The following RAB3GAP2 variants were observed in gnomAD, a reference collection of about 807,000 sequenced individuals.
RAB3GAP2 encodes the protein RAB3 GTPase activating non-catalytic protein subunit 2.
A neutral mutation model predicts 185.3 loss-of-function variants in RAB3GAP2; 87 were observed. That is an observed-to-expected ratio of 0.47 (90% CI 0.39 to 0.56). RAB3GAP2 has a LOEUF of 0.56. RAB3GAP2 is among the 20% of genes least tolerant of loss of function. RAB3GAP2 has a pLI of 0.00. For synonymous variants in RAB3GAP2, 554 were observed against 576.1 expected (o/e 0.96, Z 0.55); for missense variants, 1,492 against 1,638.2 (o/e 0.91, Z 1.54).
At position 220,170,884 on chromosome 1, in the gene RAB3GAP2, C is replaced by G. The variant is rs767036069; in HGVS notation, c.2806+8G>C. 3 of 1,604,590 alleles carry G rather than the reference C, an allele frequency of 1.9e-6. No homozygotes were observed. In the South Asian group the frequency reaches 3.3e-5, roughly 18 times the overall value. ...TGGATGCAAATGCTCAAATAAACTT[C>G]AGCTTACCTTTTCCTCCTTCTAATA... is the stretch of plus-strand genomic sequence containing the variant. On this transcript the variant is annotated splice_region_variant and intron_variant, in intron 24 of 34. Coordinates refer to ENST00000358951, the MANE Select transcript of RAB3GAP2 (RefSeq NM_012414.4).
intron 8 of RAB3GAP2, among the ~76,000 whole-genome samples, chr1:220,203,690 C>T (rs374939804): frequency 6.6e-6 from 1 of 152,024 alleles, no homozygotes; most frequent in Non-Finnish European, 1.5e-5. Context: ...TGCCTTTTGG[C>T]ATATATATTA....
chr1:220,177,960 C>T (rs959650187), intron 21 of RAB3GAP2, among the ~76,000 whole-genome samples: 1 of 152,104 alleles, frequency 6.6e-6, no homozygotes, highest in African/African-American at 2.4e-5. Flanking sequence ...TCAAGGGTCA[C>T]CAATCCGAGT....
At position 220,253,497 on chromosome 1, in the gene RAB3GAP2, T is replaced by C. The variant is rs555347104; in HGVS notation, c.115+18726A>G. The C allele has an allele frequency of 4.4e-5, 67 of 1,511,732 alleles. No individual in the cohort carries two copies. The East Asian group carries it at 1.2e-3, about 26-fold the overall frequency. 93.6% of individuals were successfully genotyped at this position (1,511,732 alleles called of 1,614,324 possible). The stretch of plus-strand genomic sequence containing the variant: ...GCCTGACGGCGCGTCTGACGCGGAG[T>C]TGGGTGGGGTAGAGAGTAGGGGGCG... On this transcript the variant is annotated intron_variant, in intron 1 of 34. Transcript: ENST00000358951.
chr1:220,178,081 T>C (rs1376939112), intron 21 of RAB3GAP2, among the ~76,000 whole-genome samples: 1 of 152,076 alleles, frequency 6.6e-6, no homozygotes, highest in East Asian at 1.9e-4. Flanking sequence ...ATAGATCCAA[T>C]ATGCTTGGTA....
chr1:220,224,667 C>T (rs1297123598), intron 2 of RAB3GAP2, among the ~76,000 whole-genome samples: 3 of 151,904 alleles, frequency 2.0e-5, no homozygotes, highest in Non-Finnish European at 4.4e-5. Context: ...AAGGCAAAAC[C>T]AGTAAGGACA....
At position 220,153,985 on chromosome 1, in the gene RAB3GAP2, T is replaced by A. The variant is rs1657810697; in HGVS notation, c.3628A>T (p.Ile1210Phe). The change falls in exon 32 of 35, where the codon ATT becomes TTT. Residue 1210 changes from isoleucine (I) to phenylalanine (F), a missense_variant. By Grantham distance (21) the Ile-to-Phe change is conservative. This residue lies in a region of RAB3GAP2 where 387 missense variants were observed against 455.3 expected (regional missense o/e 0.85). Transcript: ENST00000358951. The part of the protein sequence containing the change: ...LPSGEMDPNF[I>F]SVRQQFLLKV... ...TAATTTACCTGTTGTCGTACAGAAA[T>A]AAAATTTGGATCCATTTCCCCACTA... The A allele has an allele frequency of 7.4e-6, 12 of 1,613,512 alleles. No individual in the cohort carries two copies. The highest frequency in any genetic ancestry group is 1.0e-5 in the Non-Finnish European group (12 of 1,179,800).
At chr1:220,172,844 C>T in intron 21 of RAB3GAP2, 102 bp from the exon 22 acceptor site, 1 of 749,530 alleles carries the variant, frequency 1.3e-6, no homozygotes, top group Middle Eastern at 2.6e-4. Flanking sequence ...GATGATGCAG[C>T]TTCTTGAGGT....
intron 2 of RAB3GAP2, among the ~76,000 whole-genome samples, chr1:220,231,667 A>G (rs533320914): frequency 1.2e-4 from 19 of 152,202 alleles, no homozygotes; most frequent in Non-Finnish European, 2.5e-4. Flanking sequence ...CTTGCCAGTG[A>G]TTAGTTCAGA....
chr1:220,233,966 G>A (rs1659547514), intron 1 of RAB3GAP2, among the ~76,000 whole-genome samples: 1 of 152,238 alleles, frequency 6.6e-6, no homozygotes, highest in Non-Finnish European at 1.5e-5. Context: ...CTCCCAAAGT[G>A]TTGGGATTAC....
intron 1 of RAB3GAP2, among the ~76,000 whole-genome samples, chr1:220,251,730 T>C (rs1031715136): frequency 7.2e-5 from 11 of 152,344 alleles, no homozygotes; most frequent in East Asian, 3.9e-4. Flanking sequence ...CCCACATGTA[T>C]AAGGATGCTT....
intron 21 of RAB3GAP2, among the ~76,000 whole-genome samples, chr1:220,180,788 T>G (rs1453466261): frequency 6.6e-6 from 1 of 152,152 alleles, no homozygotes; most frequent in Non-Finnish European, 1.5e-5. Context: ...AAACAACACA[T>G]TAAACCATCA....
At chr1:220,179,996 T>C (rs1297001713) in intron 21 of RAB3GAP2, among the ~76,000 whole-genome samples, 1 of 152,056 alleles carries the variant, frequency 6.6e-6, no homozygotes, top group Non-Finnish European at 1.5e-5. Context: ...ACCCCGTCTC[T>C]ACTAAAAATA....
chr1:220,226,168 C>T (rs1659398991), intron 2 of RAB3GAP2, among the ~76,000 whole-genome samples: 1 of 152,150 alleles, frequency 6.6e-6, no homozygotes, highest in Non-Finnish European at 1.5e-5. Context: ...GTAACCACTA[C>T]CCATTTACCA....
intron 7 of RAB3GAP2, chr1:220,207,592 T>A (rs538970837): frequency 6.6e-6 from 1 of 152,254 alleles, no homozygotes; most frequent in African/African-American, 2.4e-5. Flanking sequence ...TGTTCTCACA[T>A]GACAAGTTCA....
At chr1:220,157,245 C>T in intron 31 of RAB3GAP2, 25 bp downstream of exon 31, 1 of 1,590,144 alleles carries the variant, frequency 6.3e-7, no homozygotes, top group Non-Finnish European at 8.6e-7. Flanking sequence ...TCCAAAATAG[C>T]TCTGAAATCC....
chr1:220,232,044 T>C (rs1173415601), intron 2 of RAB3GAP2, among the ~76,000 whole-genome samples: 1 of 152,262 alleles, frequency 6.6e-6, no homozygotes, highest in African/African-American at 2.4e-5. Context: ...GAAAATATAC[T>C]AACATATATA....
At chr1:220,226,364 C>A (rs1659402311) in intron 2 of RAB3GAP2, among the ~76,000 whole-genome samples, 1 of 151,976 alleles carries the variant, frequency 6.6e-6, no homozygotes, top group East Asian at 1.9e-4. Context: ...ACAAAATATT[C>A]TCCTCTAATT....
chr1:220,155,457 T>C (rs1010471465), intron 31 of RAB3GAP2, among the ~76,000 whole-genome samples: 1 of 152,194 alleles, frequency 6.6e-6, no homozygotes, highest in Non-Finnish European at 1.5e-5. Context: ...TATTTAAAGA[T>C]TTAGCATACA....
At chr1:220,213,747 A>T (rs1294521915) in intron 3 of RAB3GAP2, 109 bp downstream of exon 3, 6 of 775,224 alleles carry the variant, frequency 7.7e-6, no homozygotes, top group Non-Finnish European at 1.2e-5. Context: ...GGGGGGGGAG[A>T]GAGAGAGAAA....
Sources: allele counts gnomAD v4.1 joint callset (sites outside exome capture counted in the v4.1 genomes callset), GRCh38; gene constraint gnomAD v4.1.1; regional missense constraint gnomAD v4.1.1; transcripts MANE v1.5; gene names NCBI Gene and HGNC (gene_info 2026-07-23, HGNC 2026-07-21).